TPR: variants seen among roughly 807,000 people sequenced by gnomAD.
TPR encodes translocated promoter region, nuclear basket protein, also known as nucleoprotein TPR.
In TPR, 51 loss-of-function variants were observed where a neutral mutation model predicts 316.1. The ratio of observed to expected loss-of-function variants is 0.16; its 90% CI spans 0.13 to 0.20. The LOEUF is 0.20. Among genes scored for constraint, TPR ranks in the 10% least tolerant of loss-of-function variants. The pLI, the probability that TPR is intolerant of heterozygous loss-of-function variation, is 1.00. For missense variants in TPR, 2,272 were observed against 2,754.8 expected, an observed-to-expected ratio of 0.82 and a Z score of 3.92; for synonymous variants, 981 against 914.7, an observed-to-expected ratio of 1.07 and a Z score of -1.31.
chr1:186,323,897 G>A, intron 42 of TPR, 27 bp from the exon 43 acceptor site: 2 of 1,516,226 alleles, frequency 1.3e-6, no homozygotes, highest in Non-Finnish European at 1.7e-6. Flanking sequence ...ATTTACTTTT[G>A]AACTGCTAAA....
chr1:186,369,746 G>A, intron 3 of TPR, among the ~76,000 whole-genome samples: 1 of 151,996 alleles, frequency 6.6e-6, no homozygotes, highest in Non-Finnish European at 1.5e-5. Flanking sequence ...TTTCTTGTCT[G>A]ATTGCTCTTG....
intron 17 of TPR, among the ~76,000 whole-genome samples, chr1:186,354,320 G>A (rs2141393): frequency 0.59 from 89,265 of 152,008 alleles, 26,284 homozygotes; most frequent in East Asian, 0.64. Flanking sequence ...TATATTTAAA[G>A]TAATGACAAT....
At chr1:186,318,175 A>G (rs750808878) in intron 48 of TPR, among the ~76,000 whole-genome samples, 3 of 152,172 alleles carry the variant, frequency 2.0e-5, no homozygotes, top group Non-Finnish European at 2.9e-5. Flanking sequence ...AAATGACTAC[A>G]AAAATTAGCC....
chr1:186,362,157 C>T, intron 7 of TPR, 131 bp downstream of exon 7: 1 of 703,574 alleles, frequency 1.4e-6, no homozygotes, highest in Non-Finnish European at 2.3e-6. Context: ...CTAGCTACAG[C>T]ATATGGAAGG....
chr1:186,361,974 C>A, intron 7 of TPR, 105 bp from the exon 8 acceptor site: 1 of 1,007,146 alleles, frequency 9.9e-7, no homozygotes, highest in Non-Finnish European at 1.4e-6. Context: ...AGAGCTAAAT[C>A]TAAAACACTC....
chr1:186,345,467 T>G (rs1658646911), intron 24 of TPR, 113 bp downstream of exon 24: 2 of 821,588 alleles, frequency 2.4e-6, no homozygotes, highest in South Asian at 3.6e-5. Flanking sequence ...TCCACAAAAG[T>G]GGAAATTATC....
At chr1:186,362,172 C>G in intron 7 of TPR, 116 bp downstream of exon 7, 1 of 761,258 alleles carries the variant, frequency 1.3e-6, no homozygotes, top group Non-Finnish European at 2.1e-6. Context: ...GGAAGGAGGA[C>G]TCTCACTGTT....
rs1657467089 is a variant in TPR, at chr1:186,313,879, G to A, written c.*92C>T. The A allele has an allele frequency of 6.8e-7, 1 of 1,480,294 alleles. No individual in the cohort carries two copies. Among genetic ancestry groups the A allele is most frequent in the Non-Finnish European group, 9.4e-7 (1 of 1,060,780 alleles). The allele number at this position is 1,480,294 out of a possible 1,614,324, so 91.7% of individuals were successfully genotyped here. A position where few individuals can be genotyped will look rare whatever the true frequency, so the allele number is the denominator to read the frequency against. ...AAAGAATATTGACATGAGTATACCA[G>A]TTTATATATAAAAATGTTTTTAAAC... On this transcript the variant is annotated 3_prime_UTR_variant, in exon 51 of 51. Transcript: ENST00000367478.
chr1:186,360,041 C>A (rs375474079), intron 11 of TPR, 45 bp from the exon 12 acceptor site: 57 of 1,563,494 alleles, frequency 3.6e-5, no homozygotes, highest in Non-Finnish European at 4.9e-5. Flanking sequence ...CATAACAACG[C>A]AAATATTTAG....
chr1:186,364,788 G>A (rs1571637638), intron 4 of TPR, among the ~76,000 whole-genome samples: 1 of 152,176 alleles, frequency 6.6e-6, no homozygotes, highest in South Asian at 2.1e-4. Context: ...AGATAGAAGT[G>A]TACTATTCTG....
intron 39 of TPR, among the ~76,000 whole-genome samples, chr1:186,328,520 T>C (rs1325771541): frequency 1.3e-5 from 2 of 152,012 alleles, no homozygotes; most frequent in Non-Finnish European, 2.9e-5. Flanking sequence ...GGGCGGTTAG[T>C]GCACAATACA....
chr1:186,312,082 T>G lies in TPR; in HGVS notation c.*1889A>C, dbSNP rs1480721772. ...ATTATATGAAAAATGAGAACAAAAC[T>G]GTTTCCTATACATTGTAAAAGTTGT... On this transcript the variant is annotated 3_prime_UTR_variant, in exon 51 of 51. Transcript: ENST00000367478. 3 of 1,021,000 alleles carry G rather than the reference T, an allele frequency of 2.9e-6. No homozygotes were observed. Among genetic ancestry groups the G allele is most frequent in the Non-Finnish European group, 4.5e-6 (3 of 668,392 alleles). 63.2% of individuals were successfully genotyped at this position (1,021,000 alleles called of 1,614,324 possible).
chr1:186,363,630 A>G (rs571841367), intron 4 of TPR, among the ~76,000 whole-genome samples, 185 bp from the exon 5 acceptor site: 1 of 152,138 alleles, frequency 6.6e-6, no homozygotes, highest in South Asian at 2.1e-4. Flanking sequence ...ATATATTGGA[A>G]TTTTTTCCCA....
intron 13 of TPR, among the ~76,000 whole-genome samples, chr1:186,358,136 G>T (rs941451832): frequency 6.6e-6 from 1 of 152,008 alleles, no homozygotes; most frequent in South Asian, 2.1e-4. Flanking sequence ...ATACAGTCCA[G>T]TCTTACTTCA....
chr1:186,365,005 AG>A (rs1275316286), intron 4 of TPR, among the ~76,000 whole-genome samples: 1 of 152,090 alleles, frequency 6.6e-6, no homozygotes, highest in Non-Finnish European at 1.5e-5. Flanking sequence ...TTACACAAGA[AG>A]AAGACCTGGA....
intron 21 of TPR, 73 bp from the exon 22 acceptor site, chr1:186,347,531 T>C (rs988649653): frequency 2.8e-6 from 4 of 1,454,318 alleles, no homozygotes; most frequent in South Asian, 2.9e-5. Flanking sequence ...AAAGAGCTTA[T>C]GAAATTAGCA....
chr1:186,316,787 G>T (rs192464131), intron 49 of TPR, among the ~76,000 whole-genome samples: 1 of 152,146 alleles, frequency 6.6e-6, no homozygotes, highest in Non-Finnish European at 1.5e-5. Context: ...AATATCTACC[G>T]CACTGAGTTG....
intron 3 of TPR, among the ~76,000 whole-genome samples, chr1:186,368,401 T>C (rs188137303): frequency 6.6e-6 from 1 of 152,202 alleles, no homozygotes; most frequent in East Asian, 1.9e-4. Context: ...CATTTGAGTC[T>C]AGGAGTTCAA....
chr1:186,343,535 AGGTAATTT>A, intron 26 of TPR, 62 bp from the exon 27 acceptor site: 1 of 1,507,480 alleles, frequency 6.6e-7, no homozygotes. Flanking sequence ...TACAAAACGT[AGGTAATTT>A]GGTAAGATGA....
Sources: allele counts gnomAD v4.1 joint callset (sites outside exome capture counted in the v4.1 genomes callset), GRCh38; gene constraint gnomAD v4.1.1; transcripts MANE v1.5; gene names NCBI Gene and HGNC (gene_info 2026-07-23, HGNC 2026-07-21).